Variants in GRB14 observed in about 807,000 individuals in gnomAD.
GRB14 encodes the protein growth factor receptor bound protein 14, also known as growth factor receptor-bound protein 14.
Under a neutral mutation model 69.1 loss-of-function variants are expected in GRB14, and 38 were observed. The ratio of observed to expected loss-of-function variants is 0.55; its 90% CI spans 0.42 to 0.72. The LOEUF (loss-of-function observed/expected upper bound fraction) is 0.72, where lower values mean the gene tolerates loss of function less well. GRB14 is among the 30% of genes least tolerant of loss of function. The pLI is 0.00. For missense variants in GRB14, 666 were observed against 666.1 expected, an observed-to-expected ratio of 1.00 and a Z score of 0.00; for synonymous variants, 247 against 241.3, an observed-to-expected ratio of 1.02 and a Z score of -0.22.
intron 2 of GRB14, among the ~76,000 whole-genome samples, chr2:164,612,768 C>A (rs1177184029): frequency 6.6e-6 from 1 of 151,860 alleles, no homozygotes; most frequent in East Asian, 1.9e-4. Context: ...TATTATATGC[C>A]CCAGGGAAAA....
intron 2 of GRB14, among the ~76,000 whole-genome samples, chr2:164,600,254 G>A (rs1689881711): frequency 6.6e-6 from 1 of 152,134 alleles, no homozygotes; most frequent in Admixed American, 6.6e-5. Flanking sequence ...CATAGAGGTT[G>A]TTTGTTAAAC....
rs557830186 is a variant in GRB14, at chr2:164,592,211, T to C, written c.324+27476A>G. On this transcript the variant is annotated intron_variant, in intron 2 of 13. Coordinates refer to ENST00000263915, the MANE Select transcript of GRB14 (RefSeq NM_004490.3). ...GTGCAGTGGCACCATCTCGGCTCAC[T>C]GCAAGCTCCGCCTCCCGGGTTCACG... 2.9e-3 allele frequency among the ~76,000 whole-genome samples: 434 copies of C among 152,204 alleles called. 1 individual carries two copies. The highest frequency in any genetic ancestry group is 5.0e-3 in the Non-Finnish European group (341 of 68,006).
intron 3 of GRB14, among the ~76,000 whole-genome samples, chr2:164,530,474 A>T (rs1687897384): frequency 6.6e-6 from 1 of 152,168 alleles, no homozygotes; most frequent in South Asian, 2.1e-4. Flanking sequence ...TAAACCTTAC[A>T]GGGAAAAATA....
chr2:164,508,851 T>A lies in GRB14; in HGVS notation c.818A>T (p.Glu273Val), dbSNP rs1687264638. Residue 273 changes from glutamate (E) to valine (V), a missense_variant and splice_region_variant, in exon 7 of 14, where the codon GAA becomes GTA. By Grantham distance (121) the Glu-to-Val change is moderately radical. Coordinates refer to ENST00000263915, the MANE Select transcript of GRB14 (RefSeq NM_004490.3). ...GCTGAAAAACTGCAAATGCCGCGGT[T>A]CCTTAAAAAAAAAAGTATTGACATG... ...LYFSTKGTSK[E>V]PRHLQFFSEF... is the part of the protein sequence containing the mutation. 2 of 1,566,348 alleles carry A rather than the reference T, an allele frequency of 1.3e-6. No individual in the cohort carries two copies. Among genetic ancestry groups the A allele is most frequent in the Non-Finnish European group, 1.7e-6 (2 of 1,161,726 alleles).
At position 164,492,606 on chromosome 2, in the gene GRB14, TAA is replaced by T. The variant is rs982311763; in HGVS notation, c.*428_*429del. ...GTTGTGGATAGTTTCTTTTAATTGA[TAA>T]GTTATTATCATATTTCTTAACATTA... On this transcript the variant is annotated 3_prime_UTR_variant, in exon 14 of 14. Coordinates refer to ENST00000263915, the MANE Select transcript of GRB14 (RefSeq NM_004490.3). Among the ~76,000 whole-genome samples the T allele has an allele frequency of 8.2e-6, 1 of 122,420 alleles. No individual in the cohort carries two copies. The highest frequency in any genetic ancestry group is 2.6e-5 in the African/African-American group (1 of 38,420). 80.3% of individuals were successfully genotyped at this position (122,420 alleles called of 152,430 possible).
chr2:164,617,402 T>TC (rs1174389606), intron 2 of GRB14, among the ~76,000 whole-genome samples: 1 of 151,908 alleles, frequency 6.6e-6, no homozygotes, highest in African/African-American at 2.4e-5. Context: ...TATCACCTTT[T>TC]CCCCATTTCC....
chr2:164,580,631 G>A (rs568630040), intron 2 of GRB14, among the ~76,000 whole-genome samples: 115 of 151,848 alleles, frequency 7.6e-4, no homozygotes, highest in Non-Finnish European at 1.4e-3. Flanking sequence ...TTGAACCCGA[G>A]AGGTGGAGGT....
intron 2 of GRB14, among the ~76,000 whole-genome samples, chr2:164,584,147 A>ATTTTTTTTTTTTTTTT (rs55883951): frequency 2.0e-5 from 1 of 49,896 alleles, no homozygotes. Flanking sequence ...CAGCCTGGCT[A>ATTTTTTTTTTTTTTTT]TTTTTTTTTT....
intron 9 of GRB14, among the ~76,000 whole-genome samples, chr2:164,499,313 G>A (rs535387818): frequency 1.3e-5 from 2 of 152,120 alleles, no homozygotes; most frequent in African/African-American, 2.4e-5. Context: ...ATAAGAAGAC[G>A]ACACTACAAA....
At chr2:164,574,428 G>C (rs934836738) in intron 2 of GRB14, among the ~76,000 whole-genome samples, 5 of 151,790 alleles carry the variant, frequency 3.3e-5, no homozygotes, top group Admixed American at 1.3e-4. Flanking sequence ...TTTTAGTAGA[G>C]ACGGGGTTCA....
chr2:164,522,102 T>C lies in GRB14; in HGVS notation c.694A>G (p.Ser232Gly). Reference sequence around the variant, plus strand: ...AAACCATGAATTTCAGGATATGTGCTTGAACTCAGAAACATCTGAAAGAAA... The same window carrying C: ...AAACCATGAATTTCAGGATATGTGCCTGAACTCAGAAACATCTGAAAGAAA... ...TQILQMFLSS[S>G]TYPEIHGFLH... The change falls in exon 6 of 14, where the codon AGC becomes GGC. Residue 232 changes from serine (S) to glycine (G), a missense_variant. Coordinates refer to ENST00000263915, the MANE Select transcript of GRB14 (RefSeq NM_004490.3). 6.3e-7 allele frequency: 1 copy of C among 1,579,636 alleles called. No homozygotes were observed. Among genetic ancestry groups the C allele is most frequent in the Non-Finnish European group, 8.6e-7 (1 of 1,161,216 alleles).
chr2:164,559,649 C>T (rs1375419963), intron 2 of GRB14, among the ~76,000 whole-genome samples: 1 of 152,108 alleles, frequency 6.6e-6, no homozygotes, highest in African/African-American at 2.4e-5. Flanking sequence ...AGTAGTATTC[C>T]ATCATATAAA....
chr2:164,564,967 A>T (rs532097558), intron 2 of GRB14, among the ~76,000 whole-genome samples: 2 of 152,308 alleles, frequency 1.3e-5, no homozygotes, highest in South Asian at 4.1e-4. Flanking sequence ...GTGAGCCAAG[A>T]TGGCGCCACT....
intron 2 of GRB14, among the ~76,000 whole-genome samples, chr2:164,611,381 GTA>G (rs1690163170): frequency 6.6e-6 from 1 of 152,084 alleles, no homozygotes; most frequent in Admixed American, 6.6e-5. Flanking sequence ...ATGGGGAGAT[GTA>G]TATAGATTCA....
In GRB14 at chr2:164,584,147, ATTTTTTTTTTTTTTT is replaced by A. The variant is rs55883951; in HGVS notation, c.324+35525_324+35539del. ...ATAGGCATCCACCACCAGCCTGGCTATTTTTTTTTTTTTTTTTTTTTTTTTTTTTTGTATTTTAGT... is the reference window on the plus strand; with the variant it reads ...ATAGGCATCCACCACCAGCCTGGCTATTTTTTTTTTTTTTTGTATTTTAGT... On this transcript the variant is annotated intron_variant, in intron 2 of 13. Coordinates refer to ENST00000263915, the MANE Select transcript of GRB14 (RefSeq NM_004490.3). 3.2e-4 allele frequency among the ~76,000 whole-genome samples: 16 copies of A among 49,908 alleles called. No homozygotes were observed. In the East Asian group the frequency reaches 4.4e-3, roughly 14 times the overall value. The allele number at this position is 49,908 out of a possible 152,430, so 32.7% of individuals were successfully genotyped here.
chr2:164,607,532 G>A (rs536394737), intron 2 of GRB14, among the ~76,000 whole-genome samples: 1 of 152,334 alleles, frequency 6.6e-6, no homozygotes, highest in African/African-American at 2.4e-5. Context: ...GAAGCACACA[G>A]GTGGTGGAAG....
chr2:164,605,404 T>C (rs1574351097), intron 2 of GRB14, among the ~76,000 whole-genome samples: 1 of 152,304 alleles, frequency 6.6e-6, no homozygotes, highest in East Asian at 1.9e-4. Flanking sequence ...GAGATGTCTA[T>C]GGACCGTATA....
intron 2 of GRB14, among the ~76,000 whole-genome samples, chr2:164,559,030 T>C (rs552295089): frequency 6.6e-6 from 1 of 152,342 alleles, no homozygotes; most frequent in Non-Finnish European, 1.5e-5. Context: ...CTTAATGGTA[T>C]GTTATAGTTT....
Position 164,621,112 on chromosome 2 carries a change from T to G in GRB14, c.191+7A>C, listed in dbSNP as rs1690448998. ...GACACTCCCCCGCGCCCTCCAGGGT[T>G]GCCTACCTGTCTGCAGCACAGCCGC... is the stretch of plus-strand genomic sequence containing the variant. On this transcript the variant is annotated splice_region_variant and intron_variant, in intron 1 of 13. Coordinates refer to ENST00000263915, the MANE Select transcript of GRB14 (RefSeq NM_004490.3). The surrounding 1 kb of genome is among the most constrained non-coding windows in gnomAD (Gnocchi z 6.0). The G allele has an allele frequency of 8.0e-7, 1 of 1,246,118 alleles. No homozygotes were observed. The allele number at this position is 1,246,118 out of a possible 1,614,324, so 77.2% of individuals were successfully genotyped here.
Sources: allele counts gnomAD v4.1 joint callset (sites outside exome capture counted in the v4.1 genomes callset), GRCh38; gene constraint gnomAD v4.1.1; non-coding constraint Gnocchi (gnomAD v3.1); transcripts MANE v1.5; gene names NCBI Gene and HGNC (gene_info 2026-07-23, HGNC 2026-07-21).